Variants in KIF9 observed in about 807,000 individuals in gnomAD.
The protein encoded by KIF9 is kinesin-like protein KIF9.
KIF9 carries 68 observed loss-of-function variants against 94.8 expected under a neutral mutation model. The observed-to-expected ratio is 0.72, with a 90% confidence interval of 0.59 to 0.88. The LOEUF is 0.88. Ranked by LOEUF, KIF9 falls within the 40% of genes least tolerant of loss-of-function variation. KIF9 has a pLI of 0.00. For missense variants in KIF9, 882 were observed against 982.5 expected, an observed-to-expected ratio of 0.90 and a Z score of 1.37; for synonymous variants, 343 against 362.1, an observed-to-expected ratio of 0.95 and a Z score of 0.60.
At chr3:47,275,288 G>T (rs1576087304) in intron 3 of KIF9, 37 bp downstream of exon 3, 3 of 1,480,810 alleles carry the variant, frequency 2.0e-6, no homozygotes, top group South Asian at 2.4e-5. Context: ...TACTCCTCAG[G>T]TTCTTACATA....
chr3:47,264,648 G>T (rs943289571), intron 8 of KIF9, among the ~76,000 whole-genome samples: 1 of 152,102 alleles, frequency 6.6e-6, no homozygotes, highest in African/African-American at 2.4e-5. Flanking sequence ...ATGTTGCCCA[G>T]GCTGGTCTTG....
chr3:47,280,553 A>T (rs1289576416), intron 1 of KIF9, among the ~76,000 whole-genome samples: 1 of 152,192 alleles, frequency 6.6e-6, no homozygotes, highest in Non-Finnish European at 1.5e-5. Context: ...AAAAAATTTT[A>T]AAAATTTGCC....
intron 5 of KIF9, among the ~76,000 whole-genome samples, chr3:47,269,189 C>T (rs886589126): frequency 2.6e-5 from 4 of 152,200 alleles, no homozygotes; most frequent in South Asian, 4.1e-4. Context: ...TGCACATGTG[C>T]CCATTGCCTG....
chr3:47,236,549 G>C lies in KIF9; in HGVS notation c.1995C>G (p.Asp665Glu). Residue 665 changes from aspartate to glutamate, a missense_variant, in exon 18 of 21, where the codon GAC becomes GAG. Physicochemically the swap from Asp to Glu is conservative, Grantham distance 45. Transcript: ENST00000684063. ...ACTCGCTGCGGTACTGCTTCTTGAG[G>C]TCTTTGAGCTTGAGGATCAGCAGGA... Reference protein sequence around the residue: ...EEFLLILKLKDLKKQYRSEYQ... With the variant: ...EEFLLILKLKELKKQYRSEYQ... 1 of 1,614,064 alleles carries C rather than the reference G, an allele frequency of 6.2e-7. No individual in the cohort carries two copies. Among genetic ancestry groups the C allele is most frequent in the East Asian group, 2.2e-5 (1 of 44,886 alleles).
At position 47,273,479 on chromosome 3, in the gene KIF9, G is replaced by A. The variant is rs1464883396; in HGVS notation, c.366+73C>T. 5.1e-6 allele frequency: 6 copies of A among 1,183,518 alleles called. No individual in the cohort carries two copies. In the Admixed American group the frequency reaches 1.3e-4, roughly 25 times the overall value. The allele number at this position is 1,183,518 out of a possible 1,614,324, so 73.3% of individuals were successfully genotyped here. On this transcript the variant is annotated intron_variant, in intron 4 of 20. Coordinates refer to ENST00000684063, the MANE Select transcript of KIF9 (RefSeq NM_182902.4). ...TGGTCCCCACTGTCTCTAGTAGCTGGCCCAGGGTCAGTAACATCTATGGCA... is the reference window on the plus strand; with the variant it reads ...TGGTCCCCACTGTCTCTAGTAGCTGACCCAGGGTCAGTAACATCTATGGCA...
At chr3:47,233,482 G>C (rs1246537376) in intron 20 of KIF9, among the ~76,000 whole-genome samples, 3 of 150,934 alleles carry the variant, frequency 2.0e-5, no homozygotes, top group African/African-American at 7.3e-5. Flanking sequence ...GATCACTTGA[G>C]CCTAGGTGTT....
intron 12 of KIF9, 94 bp from the exon 13 acceptor site, chr3:47,246,346 T>G: frequency 1.0e-6 from 1 of 983,846 alleles, no homozygotes; most frequent in Non-Finnish European, 1.5e-6. Context: ...ACCCCTTGGC[T>G]GACCCCTGGA....
chr3:47,260,377 G>A (rs560370444), intron 9 of KIF9, among the ~76,000 whole-genome samples: 181 of 151,986 alleles, frequency 1.2e-3, no homozygotes, highest in African/African-American at 4.2e-3. Context: ...TATGCTGAAC[G>A]CTGGTTCCCC....
chr3:47,275,553 C>T, intron 2 of KIF9, 63 bp from the exon 3 acceptor site: 4 of 1,305,708 alleles, frequency 3.1e-6, no homozygotes, highest in Non-Finnish European at 4.4e-6. Flanking sequence ...TAAAAAAAAT[C>T]ACTGATAGCT....
At chr3:47,228,845 C>CTG in intron 20 of KIF9, 143 bp from the exon 21 acceptor site, 1 of 694,446 alleles carries the variant, frequency 1.4e-6, no homozygotes. Flanking sequence ...TGAGTAGCCC[C>CTG]AATTCTCTGA....
At chr3:47,252,329 T>C (rs907791742) in intron 10 of KIF9, among the ~76,000 whole-genome samples, 5 of 152,118 alleles carry the variant, frequency 3.3e-5, no homozygotes, top group African/African-American at 1.2e-4. Context: ...CCAGGCGTGG[T>C]GGCTCACACC....
chr3:47,259,581 A>C (rs1002065188), intron 9 of KIF9, among the ~76,000 whole-genome samples: 1 of 151,874 alleles, frequency 6.6e-6, no homozygotes, highest in African/African-American at 2.4e-5. Context: ...TCTGTGTAGA[A>C]AGAAGTAGAC....
intron 10 of KIF9, among the ~76,000 whole-genome samples, chr3:47,256,114 T>C (rs1408654372): frequency 3.3e-5 from 5 of 152,126 alleles, no homozygotes; most frequent in Admixed American, 6.5e-5. Context: ...TCGCTACAAC[T>C]TCCACCTCCC....
chr3:47,263,860 C>A (rs1401417627), intron 9 of KIF9: 1 of 457,032 alleles, frequency 2.2e-6, no homozygotes, highest in Non-Finnish European at 4.4e-6. Context: ...GTGCTTAATA[C>A]CATCTGCTCA....
rs1698309887 is a variant in KIF9, at chr3:47,228,271, G to C, written c.*381C>G. The C allele has an allele frequency of 1.1e-5, 2 of 176,434 alleles. No individual in the cohort carries two copies. The highest frequency in any genetic ancestry group is 1.3e-4 in the South Asian group (1 of 7,684). 10.9% of individuals were successfully genotyped at this position (176,434 alleles called of 1,614,324 possible). A position where few individuals can be genotyped will look rare whatever the true frequency, so the allele number is the denominator to read the frequency against. On this transcript the variant is annotated 3_prime_UTR_variant, in exon 21 of 21. Coordinates refer to ENST00000684063, the MANE Select transcript of KIF9 (RefSeq NM_182902.4). ...GGGCTGACCAGTGTGACAAAGGCCT[G>C]CCAGGAGGAGCCTGGCTGAGCTACT...
At position 47,273,533 on chromosome 3, in the gene KIF9, C is replaced by T. The variant is rs926137821; in HGVS notation, c.366+19G>A. The T allele has an allele frequency of 3.8e-6, 6 of 1,566,244 alleles. No individual in the cohort carries two copies. The African/African-American group carries it at 5.4e-5, about 14-fold the overall frequency. On this transcript the variant is annotated intron_variant, in intron 4 of 20. Coordinates refer to ENST00000684063, the MANE Select transcript of KIF9 (RefSeq NM_182902.4). ...AGAGGGAACCTGTGTGGCATCCCACCCTTGGGCCCACTCTCTACCTGCTGC... is the reference window on the plus strand; with the variant it reads ...AGAGGGAACCTGTGTGGCATCCCACTCTTGGGCCCACTCTCTACCTGCTGC...
intron 4 of KIF9, 50 bp downstream of exon 4, chr3:47,273,502 G>A: frequency 1.4e-6 from 2 of 1,414,636 alleles, no homozygotes; most frequent in East Asian, 2.3e-5. Flanking sequence ...AACATCTATG[G>A]CAGAGAGAGG....
rs756708179 is a variant in KIF9, at chr3:47,281,035, G to C, written c.-6+1460C>G. 8.5e-6 allele frequency: 6 copies of C among 703,056 alleles called. No homozygotes were observed. The South Asian group carries it at 8.9e-5, about 10-fold the overall frequency. 43.6% of individuals were successfully genotyped at this position (703,056 alleles called of 1,614,324 possible). On this transcript the variant is annotated intron_variant, in intron 1 of 20. Coordinates refer to ENST00000684063, the MANE Select transcript of KIF9 (RefSeq NM_182902.4). ...AAATTAAATTACAAGCTGCTTGAAG[G>C]CAAGGATTGTGCTTTTTATCTCTTT... is the stretch of plus-strand genomic sequence containing the variant.
chr3:47,274,554 T>C (rs1431329928), intron 3 of KIF9, among the ~76,000 whole-genome samples: 1 of 152,244 alleles, frequency 6.6e-6, no homozygotes, highest in Non-Finnish European at 1.5e-5. Flanking sequence ...TGATTCAGCA[T>C]CTGAGTTGGA....
Sources: gnomAD v4.1 joint callset for allele counts (sites outside exome capture counted in the v4.1 genomes callset) on GRCh38, gnomAD v4.1.1 for gene constraint, MANE v1.5 for transcripts, NCBI Gene and HGNC (gene_info 2026-07-23, HGNC 2026-07-21) for gene names.